The following GNA15 variants were observed in gnomAD, a reference collection of about 807,000 sequenced individuals.
GNA15 encodes guanine nucleotide-binding protein subunit alpha-15.
GNA15 carries 23 observed loss-of-function variants against 40.1 expected under a neutral mutation model. That is an observed-to-expected ratio of 0.57 (90% CI 0.41 to 0.81). The LOEUF is 0.81. Ranked by LOEUF, GNA15 falls within the 40% of genes least tolerant of loss-of-function variation. GNA15 has a pLI of 0.00. For synonymous variants in GNA15, 226 were observed against 210.4 expected (o/e 1.07, Z -0.64); for missense variants, 522 against 515.8 (o/e 1.01, Z -0.12).
At chr19:3,153,937 A>C (rs1914941566) in intron 4 of GNA15, among the ~76,000 whole-genome samples, 1 of 148,642 alleles carries the variant, frequency 6.7e-6, no homozygotes, top group South Asian at 2.1e-4. Flanking sequence ...GAGTGAGTGG[A>C]TAGATGGGTA....
chr19:3,136,680 G>A lies in GNA15; in HGVS notation c.145+85G>A, dbSNP rs968683586. 6.2e-5 allele frequency: 80 copies of A among 1,281,278 alleles called. No individual in the cohort carries two copies. In the East Asian group the frequency reaches 2.1e-3, roughly 34 times the overall value. 79.4% of individuals were successfully genotyped at this position (1,281,278 alleles called of 1,614,324 possible). ...GGTGTCGGGGCAAGGAGGCGGATCA[G>A]GCTAGGTCAGACATTGGCATCGTGG... On this transcript the variant is annotated intron_variant, in intron 1 of 6. Coordinates refer to ENST00000262958, the MANE Select transcript of GNA15 (RefSeq NM_002068.4). This position sits in a 1 kb window ranked among gnomAD's most constrained non-coding sequence, Gnocchi z 4.9.
At chr19:3,156,471 C>G (rs1448820417) in intron 5 of GNA15, among the ~76,000 whole-genome samples, 4 of 122,944 alleles carry the variant, frequency 3.3e-5, no homozygotes, top group Non-Finnish European at 7.0e-5. Context: ...CACACAGGCA[C>G]ACACACGCAC....
chr19:3,137,431 T>C (rs1914482642), intron 1 of GNA15, among the ~76,000 whole-genome samples: 1 of 151,790 alleles, frequency 6.6e-6, no homozygotes, highest in Non-Finnish European at 1.5e-5. Flanking sequence ...TGGGATCACT[T>C]GAGGTCAGGA....
In GNA15 at chr19:3,136,383, T is replaced by A; in HGVS notation, c.-68T>A. 3 of 1,488,988 alleles carry A rather than the reference T, an allele frequency of 2.0e-6. No homozygotes were observed. In the South Asian group the frequency reaches 3.9e-5, roughly 19 times the overall value. The allele number at this position is 1,488,988 out of a possible 1,614,324, so 92.2% of individuals were successfully genotyped here. ...GAGCCCTCTCCAGGGCCGGCTGGGCTGGGGGTTGCCCTGGCCAGCAGGGGC... is the reference window on the plus strand; with the variant it reads ...GAGCCCTCTCCAGGGCCGGCTGGGCAGGGGGTTGCCCTGGCCAGCAGGGGC... On this transcript the variant is annotated 5_prime_UTR_variant, in exon 1 of 7. Coordinates refer to ENST00000262958, the MANE Select transcript of GNA15 (RefSeq NM_002068.4). The surrounding 1 kb of genome is among the most constrained non-coding windows in gnomAD (Gnocchi z 4.9).
chr19:3,161,087 C>T lies in GNA15; in HGVS notation c.899-1706C>T, dbSNP rs536601389. Among the ~76,000 whole-genome samples the T allele has an allele frequency of 1.5e-3, 227 of 152,010 alleles. 1 individual carries two copies. Among genetic ancestry groups the T allele is most frequent in the African/African-American group, 5.3e-3 (219 of 41,458 alleles). ...CCTCTTGAGTTGCTGGGACTACAGG[C>T]GCACACCACCACACCTGGGTAATTT... is the stretch of plus-strand genomic sequence containing the variant. On this transcript the variant is annotated intron_variant, in intron 6 of 6. Coordinates refer to ENST00000262958, the MANE Select transcript of GNA15 (RefSeq NM_002068.4).
chr19:3,139,896 TG>T (rs780072691), intron 1 of GNA15, among the ~76,000 whole-genome samples: 1 of 151,974 alleles, frequency 6.6e-6, no homozygotes, highest in Non-Finnish European at 1.5e-5. Flanking sequence ...TAGCCAGGCG[TG>T]GTGGTGCGCA....
At position 3,151,751 on chromosome 19, in the gene GNA15, C is replaced by G. The variant is rs1389308286; in HGVS notation, c.530C>G (p.Pro177Arg). 1 of 1,611,340 alleles carries G rather than the reference C, an allele frequency of 6.2e-7. No homozygotes were observed. Among genetic ancestry groups the G allele is most frequent in the East Asian group, 2.2e-5 (1 of 44,658 alleles). Residue 177 changes from proline to arginine, a missense_variant, in exon 4 of 7, where the codon CCC becomes CGC. Pro to Arg is a moderately radical substitution (Grantham distance 103). Coordinates refer to ENST00000262958, the MANE Select transcript of GNA15 (RefSeq NM_002068.4). This position sits in a 1 kb window ranked among gnomAD's most constrained non-coding sequence, Gnocchi z 5.0. ...LERITEEGYV[P>R]TAQDVLRSRM... Reference sequence around the variant, plus strand: ...CGCATCACCGAGGAGGGCTACGTCCCCACAGCTCAGGACGTGCTCCGCAGC... The same window carrying G: ...CGCATCACCGAGGAGGGCTACGTCCGCACAGCTCAGGACGTGCTCCGCAGC...
chr19:3,138,532 C>T (rs1003425836), intron 1 of GNA15, among the ~76,000 whole-genome samples: 3 of 152,222 alleles, frequency 2.0e-5, no homozygotes, highest in Non-Finnish European at 4.4e-5. Flanking sequence ...GGGAAGAGGC[C>T]GCCCGAGAGG....
At chr19:3,144,537 AT>A (rs576782051) in intron 1 of GNA15, among the ~76,000 whole-genome samples, 7 of 149,890 alleles carry the variant, frequency 4.7e-5, no homozygotes, top group African/African-American at 1.5e-4. Context: ...TATTTTATTT[AT>A]TTTTTTTTGA....
Position 3,151,963 on chromosome 19 carries a change from G to C in GNA15, c.614+128G>C, listed in dbSNP as rs1914892800. 1.5e-6 allele frequency: 1 copy of C among 656,128 alleles called. No individual in the cohort carries two copies. Among genetic ancestry groups the C allele is most frequent in the East Asian group, 3.2e-5 (1 of 31,374 alleles). The allele number at this position is 656,128 out of a possible 1,614,324, so 40.6% of individuals were successfully genotyped here. A position where few individuals can be genotyped will look rare whatever the true frequency, so the allele number is the denominator to read the frequency against. ...CAGCCTTCAAGGAGCTGCCAAGCTA[G>C]GGGAAGCAAAGCTCCATGTAGACAC... On this transcript the variant is annotated intron_variant, in intron 4 of 6. Coordinates refer to ENST00000262958, the MANE Select transcript of GNA15 (RefSeq NM_002068.4). The surrounding 1 kb of genome is among the most constrained non-coding windows in gnomAD (Gnocchi z 5.0).
chr19:3,163,041 G>T lies in GNA15; in HGVS notation c.*22G>T. The T allele has an allele frequency of 6.5e-7, 1 of 1,532,148 alleles. No homozygotes were observed. The allele number at this position is 1,532,148 out of a possible 1,614,324, so 94.9% of individuals were successfully genotyped here. On this transcript the variant is annotated 3_prime_UTR_variant, in exon 7 of 7. Coordinates refer to ENST00000262958, the MANE Select transcript of GNA15 (RefSeq NM_002068.4). Reference sequence around the variant, plus strand: ...GTGACCCAGGCCCCACCTGGGGCAGGCGGCACCGGCGGGCGGGTGGGAGGT... The same window carrying T: ...GTGACCCAGGCCCCACCTGGGGCAGTCGGCACCGGCGGGCGGGTGGGAGGT...
At chr19:3,142,105 G>A (rs1466495893) in intron 1 of GNA15, 3 of 152,402 alleles carry the variant, frequency 2.0e-5, no homozygotes, top group East Asian at 1.9e-4. Flanking sequence ...GGCTTGGCAC[G>A]GTTAACCCAG....
chr19:3,159,450 G>T (rs1368304283), intron 6 of GNA15, among the ~76,000 whole-genome samples: 2 of 147,506 alleles, frequency 1.4e-5, no homozygotes. Flanking sequence ...GGGTTCAAGG[G>T]ATTCTCCTGC....
Position 3,157,726 on chromosome 19 carries a change from A to G in GNA15, c.745-2A>G. On this transcript the variant is annotated splice_acceptor_variant, in intron 5 of 6. Coordinates refer to ENST00000262958, the MANE Select transcript of GNA15 (RefSeq NM_002068.4). LOFTEE classifies it high-confidence loss of function. Reference sequence around the variant, plus strand: ...ACTAACCTGCTTCTGCCCCCAACACAGAACCGCATGAAGGAGAGCCTCGCA... The same window carrying G: ...ACTAACCTGCTTCTGCCCCCAACACGGAACCGCATGAAGGAGAGCCTCGCA... The G allele has an allele frequency of 6.2e-7, 1 of 1,613,608 alleles. No individual in the cohort carries two copies. The highest frequency in any genetic ancestry group is 8.5e-7 in the Non-Finnish European group (1 of 1,179,570).
At chr19:3,147,305 C>A (rs1426691252) in intron 1 of GNA15, among the ~76,000 whole-genome samples, 1 of 152,032 alleles carries the variant, frequency 6.6e-6, no homozygotes. Flanking sequence ...GTAATCCCAG[C>A]ACTTTGGGAG....
chr19:3,156,452 GCACACGCACACACAGGCA>G (rs1915028228), intron 5 of GNA15, among the ~76,000 whole-genome samples: 6 of 147,160 alleles, frequency 4.1e-5, no homozygotes, highest in African/African-American at 1.5e-4. Flanking sequence ...GTACACACAT[GCACACGCACACACAGGCA>G]CACACACGCA....
intron 1 of GNA15, chr19:3,142,929 G>A (rs543511432): frequency 3.2e-4 from 49 of 152,276 alleles, no homozygotes; most frequent in African/African-American, 1.2e-3. Context: ...CTGAGGGTTG[G>A]AAGGCAATTG....
chr19:3,163,188 A>G lies in GNA15; in HGVS notation c.*169A>G. 1.7e-6 allele frequency: 1 copy of G among 605,868 alleles called. No individual in the cohort carries two copies. The highest frequency in any genetic ancestry group is 2.9e-6 in the Non-Finnish European group (1 of 339,034). The allele number at this position is 605,868 out of a possible 1,614,324, so 37.5% of individuals were successfully genotyped here. The stretch of plus-strand genomic sequence containing the variant: ...GCTCTCTTCTCTGCCTCTCACCAGG[A>G]CAGCCGCCCCCCAGGGTACTCCTGC... On this transcript the variant is annotated 3_prime_UTR_variant, in exon 7 of 7. Transcript: ENST00000262958.
At chr19:3,148,150 G>A (rs1214431682) in intron 1 of GNA15, among the ~76,000 whole-genome samples, 4 of 151,898 alleles carry the variant, frequency 2.6e-5, no homozygotes, top group Non-Finnish European at 5.9e-5. Flanking sequence ...GTACAATGGT[G>A]TGATCTCAGC....
Sources: gnomAD v4.1 joint callset for allele counts (sites outside exome capture counted in the v4.1 genomes callset) on GRCh38, gnomAD v4.1.1 for gene constraint, Gnocchi (gnomAD v3.1) non-coding constraint, MANE v1.5 for transcripts, NCBI Gene and HGNC (gene_info 2026-07-23, HGNC 2026-07-21) for gene names.